The following KAZN variants were observed in gnomAD, a reference collection of about 807,000 sequenced individuals.
KAZN encodes the protein kazrin, periplakin interacting protein, also known as kazrin.
A neutral mutation model predicts 87.4 loss-of-function variants in KAZN; 40 were observed. The observed-to-expected ratio is 0.46, with a 90% CI of 0.36 to 0.60. The LOEUF (loss-of-function observed/expected upper bound fraction) is 0.60, where lower values mean the gene tolerates loss of function less well. Among genes scored for constraint, KAZN ranks in the 20% least tolerant of loss-of-function variants. The pLI is 0.00. For synonymous variants in KAZN, 466 were observed against 458.3 expected, an observed-to-expected ratio of 1.02 and a Z score of -0.22; for missense variants, 898 against 1,073.9, an observed-to-expected ratio of 0.84 and a Z score of 2.29.
chr1:14,801,352 T>C (rs1279334300), intron 1 of KAZN, among the ~76,000 whole-genome samples: 1 of 152,096 alleles, frequency 6.6e-6, no homozygotes, highest in Admixed American at 6.5e-5. Context: ...TCACTGTCGG[T>C]TTCGTGACGA....
intron 1 of KAZN, among the ~76,000 whole-genome samples, chr1:14,013,016 G>T (rs1226480148): frequency 2.0e-5 from 3 of 152,152 alleles, no homozygotes; most frequent in African/African-American, 7.2e-5. Flanking sequence ...CCTCTTAGCG[G>T]GTCCTAGACC....
chr1:14,910,283 A>G (rs1007832046), intron 1 of KAZN, among the ~76,000 whole-genome samples: 6 of 152,084 alleles, frequency 3.9e-5, no homozygotes, highest in African/African-American at 1.2e-4. Context: ...TATCCATCAC[A>G]ATGACAGAAA....
intron 1 of KAZN, among the ~76,000 whole-genome samples, chr1:14,054,481 T>C (rs1642468051): frequency 6.6e-6 from 1 of 152,090 alleles, no homozygotes. Flanking sequence ...AAGTCAAAAA[T>C]GGGAAGAGGA....
intron 2 of KAZN, among the ~76,000 whole-genome samples, chr1:14,205,903 A>AAAAAAAAAAAAAAAAAAC (rs1646732540): frequency 1.8e-5 from 1 of 55,002 alleles, no homozygotes; most frequent in Non-Finnish European, 3.2e-5. Flanking sequence ...AAAAAAAAAA[A>AAAAAAAAAAAAAAAAAAC]AAAGCTACCT....
At chr1:14,274,112 C>T (rs779866296) in intron 2 of KAZN, among the ~76,000 whole-genome samples, 36 of 152,134 alleles carry the variant, frequency 2.4e-4, no homozygotes, top group Non-Finnish European at 4.9e-4. Flanking sequence ...TTGTTGTCTG[C>T]CTTTGAACAC....
chr1:14,375,286 C>T (rs545127454), intron 2 of KAZN, among the ~76,000 whole-genome samples: 8 of 152,232 alleles, frequency 5.3e-5, no homozygotes, highest in African/African-American at 1.9e-4. Context: ...GAAAGCCAAA[C>T]CACTAGGAAG....
intron 1 of KAZN, among the ~76,000 whole-genome samples, chr1:14,828,450 C>A (rs867511442): frequency 6.6e-5 from 10 of 152,212 alleles, no homozygotes; most frequent in African/African-American, 1.7e-4. Flanking sequence ...TCGCTACAAT[C>A]ACTGGATAAT....
intron 1 of KAZN, among the ~76,000 whole-genome samples, chr1:14,823,094 G>T (rs1431750982): frequency 6.6e-6 from 1 of 151,890 alleles, no homozygotes; most frequent in Non-Finnish European, 1.5e-5. Flanking sequence ...CCTGCAACCA[G>T]CCCCGTTCTC....
intron 1 of KAZN, among the ~76,000 whole-genome samples, chr1:14,780,037 C>A (rs528294320): frequency 2.0e-5 from 3 of 152,362 alleles, no homozygotes; most frequent in Non-Finnish European, 2.9e-5. Flanking sequence ...TTCCTCCCAA[C>A]AAACGCATGA....
chr1:14,844,637 C>A (rs1223971972), intron 1 of KAZN, among the ~76,000 whole-genome samples: 2 of 152,198 alleles, frequency 1.3e-5, no homozygotes, highest in African/African-American at 4.8e-5. Context: ...ATATTTTTGT[C>A]CCATCTGAAT....
At chr1:14,503,879 C>T (rs1156417854) in intron 2 of KAZN, among the ~76,000 whole-genome samples, 5 of 152,160 alleles carry the variant, frequency 3.3e-5, no homozygotes, top group African/African-American at 1.2e-4. Context: ...CTTCCCACCC[C>T]CTGGTCTGAT....
At chr1:14,574,444 C>T (rs748362832) in intron 2 of KAZN, among the ~76,000 whole-genome samples, 6 of 152,092 alleles carry the variant, frequency 3.9e-5, no homozygotes, top group East Asian at 1.9e-4. Context: ...CGATTTCCCC[C>T]ATACTGGACT....
At chr1:14,386,557 T>C (rs1391585248) in intron 2 of KAZN, among the ~76,000 whole-genome samples, 2 of 152,036 alleles carry the variant, frequency 1.3e-5, no homozygotes, top group Non-Finnish European at 2.9e-5. Context: ...GTAGTTTATT[T>C]CTCCTTCACT....
At chr1:14,526,278 T>G (rs1671859506) in intron 2 of KAZN, among the ~76,000 whole-genome samples, 3 of 152,182 alleles carry the variant, frequency 2.0e-5, no homozygotes, top group African/African-American at 7.2e-5. Flanking sequence ...CATTTCCCAT[T>G]TGCTCCAAGG....
intron 1 of KAZN, among the ~76,000 whole-genome samples, chr1:13,983,833 A>G (rs577080729): frequency 1.3e-5 from 2 of 152,226 alleles, no homozygotes; most frequent in Admixed American, 6.5e-5. Flanking sequence ...AAAGTTATAC[A>G]TGTTTATTTT....
intron 13 of KAZN, among the ~76,000 whole-genome samples, chr1:15,109,937 G>GTTTGTGTT: frequency 1.4e-5 from 2 of 140,558 alleles, no homozygotes. Flanking sequence ...GTGTGTGTGT[G>GTTTGTGTT]TGTGTTTGTG....
chr1:14,226,852 CGCAT>C (rs1571072290), intron 2 of KAZN, among the ~76,000 whole-genome samples: 1 of 46,832 alleles, frequency 2.1e-5, no homozygotes, highest in East Asian at 8.2e-4. Context: ...ACATCGTGTA[CGCAT>C]GGACACAAAA....
chr1:14,683,315 CAAA>C (rs149138102), intron 1 of KAZN, among the ~76,000 whole-genome samples: 1 of 152,304 alleles, frequency 6.6e-6, no homozygotes, highest in African/African-American at 2.4e-5. Flanking sequence ...CAGCCTGTCT[CAAA>C]GAAGATGCGT....
At chr1:14,316,778 T>C (rs1425491807) in intron 2 of KAZN, among the ~76,000 whole-genome samples, 1 of 151,954 alleles carries the variant, frequency 6.6e-6, no homozygotes, top group East Asian at 1.9e-4. Flanking sequence ...ACATGATTTG[T>C]TTTTTTGCCC....
Sources: allele counts gnomAD v4.1 joint callset (sites outside exome capture counted in the v4.1 genomes callset), GRCh38; gene constraint gnomAD v4.1.1; transcripts MANE v1.5; gene names NCBI Gene and HGNC (gene_info 2026-07-23, HGNC 2026-07-21).